TBC1D15: variants seen among roughly 807,000 people sequenced by gnomAD.
TBC1D15 encodes the protein GAP for RAB7.
TBC1D15 carries 39 observed loss-of-function variants against 95.4 expected under a neutral mutation model. The ratio of observed to expected loss-of-function variants is 0.41; its 90% CI spans 0.32 to 0.53. The LOEUF is 0.53. Ranked by LOEUF, TBC1D15 falls within the 20% of genes least tolerant of loss-of-function variation. The probability of loss-of-function intolerance (pLI) is 0.29; values close to 1 mark genes in which losing one functional copy is unlikely to be tolerated. For missense variants in TBC1D15, 733 were observed against 794.3 expected (o/e 0.92, Z 0.93); for synonymous variants, 258 against 261.3 (o/e 0.99, Z 0.12).
intron 3 of TBC1D15, among the ~76,000 whole-genome samples, chr12:71,877,214 T>G (rs568087304): frequency 9.3e-5 from 14 of 151,232 alleles, no homozygotes; most frequent in African/African-American, 2.9e-4. Context: ...GTGTGTGTTT[T>G]TTTTTTTTTT....
chr12:71,879,121 G>GTC (rs138891683), intron 3 of TBC1D15, among the ~76,000 whole-genome samples: 4,005 of 150,078 alleles, frequency 0.027, 181 homozygotes, highest in African/African-American at 0.092. Context: ...TCCCTTACCT[G>GTC]TCTCTCTCTC....
chr12:71,844,032 T>A (rs191139011), intron 1 of TBC1D15, among the ~76,000 whole-genome samples: 401 of 152,296 alleles, frequency 2.6e-3, no homozygotes, highest in African/African-American at 9.2e-3. Context: ...ATCTACACAG[T>A]TTTGTCCTTG....
chr12:71,892,457 A>C (rs766855593), intron 5 of TBC1D15, among the ~76,000 whole-genome samples: 5 of 151,774 alleles, frequency 3.3e-5, no homozygotes, highest in Non-Finnish European at 5.9e-5. Context: ...ATTAGAACTG[A>C]CTAAGTCATA....
intron 7 of TBC1D15, among the ~76,000 whole-genome samples, chr12:71,895,160 G>A (rs1026732565): frequency 6.6e-6 from 1 of 151,996 alleles, no homozygotes; most frequent in Admixed American, 6.6e-5. Flanking sequence ...AGTGAGGAGC[G>A]AACCTTTCCT....
intron 1 of TBC1D15, chr12:71,849,764 T>G: frequency 1.8e-6 from 1 of 553,394 alleles, no homozygotes; most frequent in Non-Finnish European, 3.5e-6. Context: ...CAACTCTTTC[T>G]CATCCAGGAT....
At chr12:71,853,691 A>G (rs1888380957) in intron 1 of TBC1D15, among the ~76,000 whole-genome samples, 1 of 152,132 alleles carries the variant, frequency 6.6e-6, no homozygotes, top group Admixed American at 6.5e-5. Context: ...GTAAAATACT[A>G]TTGAGTTTTG....
intron 1 of TBC1D15, among the ~76,000 whole-genome samples, chr12:71,840,074 A>C (rs1400957228): frequency 6.6e-6 from 1 of 151,960 alleles, no homozygotes; most frequent in Non-Finnish European, 1.5e-5. Flanking sequence ...TATTCGTATT[A>C]CCTTTACTAA....
chr12:71,860,388 T>C (rs768807039), intron 1 of TBC1D15, among the ~76,000 whole-genome samples: 3 of 152,236 alleles, frequency 2.0e-5, no homozygotes, highest in Admixed American at 6.5e-5. Flanking sequence ...TCTATGAACA[T>C]GGATGCCTTT....
At chr12:71,904,737 A>G (rs1170114496) in intron 10 of TBC1D15, among the ~76,000 whole-genome samples, 2 of 152,200 alleles carry the variant, frequency 1.3e-5, no homozygotes, top group African/African-American at 4.8e-5. Flanking sequence ...GAACCTGTGA[A>G]AGTTCTCTCA....
At position 71,921,396 on chromosome 12, in the gene TBC1D15, A is replaced by G. The variant is rs749468113; in HGVS notation, c.1745A>G (p.Asp582Gly). ...ATCAATGAATTGTCCATGAAAATTG[A>G]TGTGGAAGATATACTCTGCAAGGCA... ...KHINELSMKI[D>G]VEDILCKAEA... The change falls in exon 16 of 17, where the codon GAT (aspartate) becomes GGT (glycine). Residue 582 changes from aspartate to glycine, a missense_variant. Physicochemically the swap from Asp to Gly is moderately conservative, Grantham distance 94. Transcript: ENST00000485960. The G allele has an allele frequency of 6.4e-7, 1 of 1,563,548 alleles. No individual in the cohort carries two copies. Among genetic ancestry groups the G allele is most frequent in the Non-Finnish European group, 8.7e-7 (1 of 1,149,870 alleles).
Position 71,897,832 on chromosome 12 carries a change from A to C in TBC1D15, c.1089-15A>C. On this transcript the variant is annotated splice_polypyrimidine_tract_variant and intron_variant, in intron 9 of 16. Transcript: ENST00000485960. Reference sequence around the variant, plus strand: ...TTTCAAATAGCTTTCTTTGATGTCAAATTGTTTTCTATAGTGATGAATACT... The same window carrying C: ...TTTCAAATAGCTTTCTTTGATGTCACATTGTTTTCTATAGTGATGAATACT... 6.2e-7 allele frequency: 1 copy of C among 1,600,706 alleles called. No individual in the cohort carries two copies. Among genetic ancestry groups the C allele is most frequent in the South Asian group, 1.1e-5 (1 of 89,896 alleles).
intron 1 of TBC1D15, among the ~76,000 whole-genome samples, chr12:71,866,573 G>C (rs920260310): frequency 2.0e-5 from 3 of 152,078 alleles, no homozygotes; most frequent in Admixed American, 2.0e-4. Context: ...TGCTCACAAG[G>C]GTTTCTGTTA....
chr12:71,858,088 T>C (rs1481156922), intron 1 of TBC1D15, among the ~76,000 whole-genome samples: 2 of 152,192 alleles, frequency 1.3e-5, no homozygotes, highest in Non-Finnish European at 2.9e-5. Flanking sequence ...TCTTTTTTTT[T>C]TGAGACGGAG....
chr12:71,900,734 G>T (rs886307018), intron 10 of TBC1D15, among the ~76,000 whole-genome samples: 3 of 152,108 alleles, frequency 2.0e-5, no homozygotes, highest in Admixed American at 6.5e-5. Context: ...AACATATGTG[G>T]TATGTTAGTG....
chr12:71,840,119 G>A (rs368598343), intron 1 of TBC1D15, among the ~76,000 whole-genome samples: 2 of 151,964 alleles, frequency 1.3e-5, no homozygotes, highest in African/African-American at 4.8e-5. Flanking sequence ...TTTTTCCCCC[G>A]ATTCACTGTT....
chr12:71,896,210 A>G (rs1898140179), intron 8 of TBC1D15, 135 bp downstream of exon 8: 1 of 754,748 alleles, frequency 1.3e-6, no homozygotes, highest in African/African-American at 1.8e-5. Context: ...GTAGGGAGGA[A>G]TGAACTCTGT....
At chr12:71,849,953 G>T in intron 1 of TBC1D15, 1 of 534,588 alleles carries the variant, frequency 1.9e-6, no homozygotes. Context: ...GAAGGGTGTT[G>T]ATCCAGTATT....
chr12:71,909,244 A>T (rs1201041641), intron 11 of TBC1D15, among the ~76,000 whole-genome samples: 1 of 152,214 alleles, frequency 6.6e-6, no homozygotes, highest in African/African-American at 2.4e-5. Context: ...ACTTTTTATA[A>T]AAGCAATAGA....
chr12:71,904,950 A>G (rs1159776826), intron 10 of TBC1D15, among the ~76,000 whole-genome samples: 1 of 152,204 alleles, frequency 6.6e-6, no homozygotes, highest in Non-Finnish European at 1.5e-5. Context: ...GGGTCAGTCA[A>G]CGTGGTTGTG....
Sources: allele counts gnomAD v4.1 joint callset (sites outside exome capture counted in the v4.1 genomes callset), GRCh38; gene constraint gnomAD v4.1.1; transcripts MANE v1.5; gene names NCBI Gene and HGNC (gene_info 2026-07-23, HGNC 2026-07-21).